The following SUCO variants were observed in gnomAD, a reference collection of about 807,000 sequenced individuals.
The protein encoded by SUCO is SUN domain-containing ossification factor.
SUCO carries 57 observed loss-of-function variants against 148.1 expected under a neutral mutation model. That is an observed-to-expected ratio of 0.38 (90% CI 0.31 to 0.48). SUCO has a LOEUF of 0.48. SUCO is among the 20% of genes least tolerant of loss of function. SUCO has a pLI of 0.96. For synonymous variants in SUCO, 470 were observed against 502.7 expected (o/e 0.93, Z 0.87); for missense variants, 1,331 against 1,468.2 (o/e 0.91, Z 1.53).
chr1:172,539,356 TTA>T (rs1652267450), intron 1 of SUCO, among the ~76,000 whole-genome samples: 1 of 152,186 alleles, frequency 6.6e-6, no homozygotes, highest in South Asian at 2.1e-4. Flanking sequence ...CAGTTGTATG[TTA>T]TGTTTTTCAA....
rs562769454 is a variant in SUCO, at chr1:172,583,226, T to C, written c.1499-1792T>C. ...GAATACGGAGTTTCCATTTTTGTTA[T>C]CTCATACCGCAGCATCTCTTTAGCT... On this transcript the variant is annotated intron_variant, in intron 15 of 23. Coordinates refer to ENST00000263688, the MANE Select transcript of SUCO (RefSeq NM_014283.5). Among the ~76,000 whole-genome samples, 11 of 152,192 alleles carry C rather than the reference T, an allele frequency of 7.2e-5. 1 individual carries two copies. In the East Asian group the frequency reaches 2.1e-3, roughly 29 times the overall value.
intron 22 of SUCO, 129 bp downstream of exon 22, chr1:172,602,916 G>T (rs1248861276): frequency 5.4e-6 from 4 of 741,022 alleles, no homozygotes; most frequent in African/African-American, 5.3e-5. Flanking sequence ...TTGTCTTTGT[G>T]CTGTGTCAAG....
At chr1:172,535,596 C>T (rs1651953085) in intron 1 of SUCO, among the ~76,000 whole-genome samples, 1 of 152,128 alleles carries the variant, frequency 6.6e-6, no homozygotes, top group African/African-American at 2.4e-5. Context: ...ACCTCATTCC[C>T]TTTAACAGAA....
Position 172,565,998 on chromosome 1 carries a change from A to G in SUCO, c.733-3021A>G, listed in dbSNP as rs566844023. ...CCACATGGGATTTGGGTCTTCATCC[A>G]GGTTCCCTCATCTAGAGTGGGCTCA... On this transcript the variant is annotated intron_variant, in intron 6 of 23. Coordinates refer to ENST00000263688, the MANE Select transcript of SUCO (RefSeq NM_014283.5). 3.4e-4 allele frequency among the ~76,000 whole-genome samples: 52 copies of G among 152,360 alleles called. 1 individual carries two copies. In the South Asian group the frequency reaches 0.011, roughly 31 times the overall value.
Position 172,609,870 on chromosome 1 carries a change from C to T in SUCO, c.3376C>T (p.Pro1126Ser). 1.2e-6 allele frequency: 2 copies of T among 1,613,244 alleles called. No homozygotes were observed. Among genetic ancestry groups the T allele is most frequent in the Non-Finnish European group, 1.7e-6 (2 of 1,179,680 alleles). The change falls in exon 24 of 24, where the codon CCA becomes TCA. Residue 1126 changes from proline to serine, a missense_variant. Physicochemically the swap from Pro to Ser is moderately conservative, Grantham distance 74 (BLOSUM62 -1). Around this residue, in one of 3 missense-constraint regions of SUCO, gnomAD observed 334 missense variants for 352.3 expected, o/e 0.95. Transcript: ENST00000263688. ...AATTGAGACCATAAAGCCTGAAGAA[C>T]CATTGCACCCCATAGCCAATGGCGA... ...EKIETIKPEE[P>S]LHPIANGDIK...
intron 5 of SUCO, 84 bp from the exon 6 acceptor site, chr1:172,557,560 G>T: frequency 6.8e-7 from 1 of 1,466,556 alleles, no homozygotes; most frequent in African/African-American, 1.4e-5. Context: ...TTTACTTTGT[G>T]CATGAGTTCA....
rs556120358 is a variant in SUCO, at chr1:172,601,468, C to T, written c.3019-596C>T. ...AAGCCAAGGTCACACCACTGCATTC[C>T]AGCCTGGGCAACAGAGCAAGGCTCT... is the stretch of plus-strand genomic sequence containing the variant. On this transcript the variant is annotated intron_variant, in intron 20 of 23. Coordinates refer to ENST00000263688, the MANE Select transcript of SUCO (RefSeq NM_014283.5). Among the ~76,000 whole-genome samples, 234 of 149,788 alleles carry T rather than the reference C, an allele frequency of 1.6e-3. 1 individual carries two copies. The highest frequency in any genetic ancestry group is 5.5e-3 in the African/African-American group (223 of 40,428).
At chr1:172,532,366 A>G, upstream of SUCO, 8 of 862,844 alleles carry the variant, frequency 9.3e-6, no homozygotes, top group Non-Finnish European at 1.4e-5. Flanking sequence ...TTCGAAACCA[A>G]CAGAACGAAA....
rs529588168 is a variant in SUCO at position 172,538,166 on chromosome 1, T to TGGAGGGTAAAGTGGAATGTAGGGGCCGTA, written c.62+4693_62+4694insCCGTAGGAGGGTAAAGTGGAATGTAGGGG. Reference sequence around the variant, plus strand: ...CATGGATCTTTTAATTAGATTGCTGTGGAGGGTAAAGTGGAATGTAGGGGA... The same window carrying TGGAGGGTAAAGTGGAATGTAGGGGCCGTA: ...CATGGATCTTTTAATTAGATTGCTGTGGAGGGTAAAGTGGAATGTAGGGGCCGTAGGAGGGTAAAGTGGAATGTAGGGGA... On this transcript the variant is annotated intron_variant, in intron 1 of 23. Coordinates refer to ENST00000263688, the MANE Select transcript of SUCO (RefSeq NM_014283.5). 1.0e-2 allele frequency among the ~76,000 whole-genome samples: 1,520 copies of TGGAGGGTAAAGTGGAATGTAGGGGCCGTA among 152,190 alleles called. 12 individuals carry two copies. Among genetic ancestry groups the TGGAGGGTAAAGTGGAATGTAGGGGCCGTA allele is most frequent in the Non-Finnish European group, 0.015 (1,009 of 67,988 alleles).
At chr1:172,548,981 T>C (rs568749659) in intron 1 of SUCO, among the ~76,000 whole-genome samples, 1 of 152,092 alleles carries the variant, frequency 6.6e-6, no homozygotes, top group Non-Finnish European at 1.5e-5. Context: ...TGCCAGTGGT[T>C]GTAGTATATT....
upstream of SUCO, chr1:172,532,853 G>T: frequency 6.5e-7 from 1 of 1,534,840 alleles, no homozygotes; most frequent in Non-Finnish European, 8.7e-7. Flanking sequence ...CCGGCTTTCT[G>T]AACGCAAGCC....
intron 19 of SUCO, among the ~76,000 whole-genome samples, chr1:172,596,801 ACT>A (rs1251011573): frequency 5.3e-5 from 8 of 151,952 alleles, no homozygotes; most frequent in South Asian, 2.1e-4. Context: ...GAGAACCACT[ACT>A]CTCTTCAAAG....
chr1:172,570,485 G>T, intron 8 of SUCO, 178 bp from the exon 9 acceptor site: 1 of 573,000 alleles, frequency 1.7e-6, no homozygotes. Context: ...ATTTAATGCT[G>T]TTGCCGTGAA....
intron 6 of SUCO, among the ~76,000 whole-genome samples, chr1:172,568,080 C>G (rs1322844876): frequency 6.6e-6 from 1 of 152,164 alleles, no homozygotes; most frequent in Non-Finnish European, 1.5e-5. Flanking sequence ...AGGTTGTGCA[C>G]TCCTTATGAG....
chr1:172,542,607 C>T lies in SUCO; in HGVS notation c.63-8905C>T, dbSNP rs145991677. The T allele has an allele frequency of 4.5e-4, 140 of 308,450 alleles. 1 individual carries two copies. The highest frequency in any genetic ancestry group is 2.8e-3 in the African/African-American group (123 of 44,186). The allele number at this position is 308,450 out of a possible 1,614,324, so 19.1% of individuals were successfully genotyped here. A position where few individuals can be genotyped will look rare whatever the true frequency, so the allele number is the denominator to read the frequency against. ...TGAACCCTACTATGAACCACACACG[C>T]GAGGGATCTAGGTTGTGTACTCCTT... On this transcript the variant is annotated intron_variant, in intron 1 of 23. Coordinates refer to ENST00000263688, the MANE Select transcript of SUCO (RefSeq NM_014283.5).
intron 1 of SUCO, chr1:172,542,736 T>G: frequency 1.0e-6 from 1 of 985,404 alleles, no homozygotes; most frequent in Non-Finnish European, 1.2e-6. Context: ...GAGGGAATCA[T>G]TTTTGAAAGA....
intron 22 of SUCO, among the ~76,000 whole-genome samples, chr1:172,605,126 G>A (rs1423402616): frequency 2.6e-5 from 4 of 151,596 alleles, no homozygotes; most frequent in African/African-American, 9.7e-5. Flanking sequence ...TCATCCTTTA[G>A]GTTGCTTTTT....
At chr1:172,578,455 T>C (rs1655625132) in intron 14 of SUCO, 66 bp downstream of exon 14, 1 of 1,502,750 alleles carries the variant, frequency 6.7e-7, no homozygotes, top group Non-Finnish European at 9.1e-7. Flanking sequence ...CGAATAGTAA[T>C]GGGGGAGTAT....
chr1:172,608,185 T>C lies in SUCO; in HGVS notation c.3266-562T>C, dbSNP rs1381555074. 4 of 620,630 alleles carry C rather than the reference T, an allele frequency of 6.4e-6. No individual in the cohort carries two copies. In the Admixed American group the frequency reaches 2.5e-4, roughly 39 times the overall value. 38.4% of individuals were successfully genotyped at this position (620,630 alleles called of 1,614,324 possible). A position where few individuals can be genotyped will look rare whatever the true frequency, so the allele number is the denominator to read the frequency against. Reference sequence around the variant, plus strand: ...TTATTGCTTAGTGATATATATTGCATGTTCAAGCTGTTTTTAGATTGGGAT... The same window carrying C: ...TTATTGCTTAGTGATATATATTGCACGTTCAAGCTGTTTTTAGATTGGGAT... On this transcript the variant is annotated intron_variant, in intron 22 of 23. Transcript: ENST00000263688.
Sources: allele counts gnomAD v4.1 joint callset (sites outside exome capture counted in the v4.1 genomes callset), GRCh38; gene constraint gnomAD v4.1.1; regional missense constraint gnomAD v4.1.1; transcripts MANE v1.5; gene names NCBI Gene and HGNC (gene_info 2026-07-23, HGNC 2026-07-21).